Variants in STIP1 observed in about 807,000 individuals in gnomAD.
STIP1 encodes the protein stress induced phosphoprotein 1, also known as stress-induced-phosphoprotein 1.
A neutral mutation model predicts 77.4 loss-of-function variants in STIP1; 16 were observed. The observed-to-expected ratio is 0.21, with a 90% CI of 0.14 to 0.31. STIP1 has a LOEUF of 0.31. Among genes scored for constraint, STIP1 ranks in the 10% least tolerant of loss-of-function variants. The pLI is 1.00. For synonymous variants in STIP1, 258 were observed against 246.6 expected (o/e 1.05, Z -0.44); for missense variants, 524 against 684.8 (o/e 0.77, Z 2.62).
chr11:64,200,307 T>C lies in STIP1; in HGVS notation c.1245+14T>C. 6.3e-7 allele frequency: 1 copy of C among 1,599,030 alleles called. No individual in the cohort carries two copies. The highest frequency in any genetic ancestry group is 8.5e-7 in the Non-Finnish European group (1 of 1,174,420). ...CTGGCACTCAAGGTGACGAGACCTG[T>C]GGGGGCGGCCATTACTGAAAGCCTG... is the stretch of plus-strand genomic sequence containing the variant. On this transcript the variant is annotated intron_variant, in intron 10 of 13. Transcript: ENST00000305218.
upstream of STIP1, chr11:64,186,015 AGGCAG>A: frequency 6.5e-7 from 1 of 1,544,008 alleles, no homozygotes. Flanking sequence ...GGTGCGGGGG[AGGCAG>A]GGTTGAGGGA....
At chr11:64,194,765 T>C in intron 4 of STIP1, 145 bp downstream of exon 4, 1 of 1,034,278 alleles carries the variant, frequency 9.7e-7, no homozygotes, top group Non-Finnish European at 1.4e-6. Flanking sequence ...TGGTGGTCGT[T>C]TATTTGTAAT....
In STIP1 at chr11:64,197,517, A is replaced by G; in HGVS notation, c.824A>G (p.Tyr275Cys). The change falls in exon 7 of 14, where the codon TAC (tyrosine) becomes TGC (cysteine). Residue 275 changes from tyrosine (Y) to cysteine (C), a missense_variant. Transcript: ENST00000305218. ...GCGGTATACTTTGAAAAGGGCGACT[A>G]CAATAAGTGCCGGGAGCTTTGTGAG... ...QAAVYFEKGD[Y>C]NKCRELCEKA... is the part of the protein sequence containing the mutation. 6.2e-7 allele frequency: 1 copy of G among 1,614,206 alleles called. No individual in the cohort carries two copies. The highest frequency in any genetic ancestry group is 1.1e-5 in the South Asian group (1 of 91,082).
At chr11:64,185,512 C>G (rs1945999285), upstream of STIP1, 3 of 378,118 alleles carry the variant, frequency 7.9e-6, no homozygotes, top group South Asian at 6.5e-5. Flanking sequence ...AGCTGGCGCT[C>G]GAGGGACAGG....
At chr11:64,186,497 G>C (rs932590278) in intron 1 of STIP1, 1 of 394,952 alleles carries the variant, frequency 2.5e-6, no homozygotes, top group African/African-American at 2.1e-5. Flanking sequence ...TGGGCGAGGA[G>C]GGCCCGGCGG....
chr11:64,190,910 G>A (rs970975349), intron 1 of STIP1, among the ~76,000 whole-genome samples: 3 of 152,148 alleles, frequency 2.0e-5, no homozygotes, highest in Non-Finnish European at 4.4e-5. Flanking sequence ...TGAGTTGGCC[G>A]GGCGCAGTGG....
chr11:64,194,118 C>G (rs537431293), intron 2 of STIP1, 71 bp from the exon 3 acceptor site: 3 of 1,551,308 alleles, frequency 1.9e-6, no homozygotes, highest in South Asian at 1.2e-5. Flanking sequence ...TAGAATTGTT[C>G]TTTTTTGAGT....
intron 1 of STIP1, among the ~76,000 whole-genome samples, chr11:64,187,637 C>G (rs901526586): frequency 2.6e-5 from 4 of 152,118 alleles, no homozygotes; most frequent in Non-Finnish European, 4.4e-5. Context: ...TCAGTTGTAT[C>G]TAGGGTTAAA....
At position 64,193,161 on chromosome 11, in the gene STIP1, T is replaced by A; in HGVS notation, c.93T>A (p.Ile31=). ...DDALQCYSEA[I]KLDPHNHVLY... is the part of the protein sequence containing the mutation. ...CCTTACAGTGCTACTCCGAAGCTAT[T>A]AAGCTGGATCCCCACAACCACGTGC... The change falls in exon 2 of 14, where the codon ATT becomes ATA. Residue 31 remains isoleucine, a synonymous_variant. Coordinates refer to ENST00000305218, the MANE Select transcript of STIP1 (RefSeq NM_006819.3). The A allele has an allele frequency of 6.2e-7, 1 of 1,614,188 alleles. No individual in the cohort carries two copies. The highest frequency in any genetic ancestry group is 8.5e-7 in the Non-Finnish European group (1 of 1,180,032).
chr11:64,189,476 A>G (rs947747926), intron 1 of STIP1, among the ~76,000 whole-genome samples: 6 of 152,030 alleles, frequency 3.9e-5, no homozygotes, highest in Admixed American at 2.6e-4. Flanking sequence ...GCAGTGAGCC[A>G]AGATTGCGCC....
chr11:64,186,385 G>T (rs1170386217), intron 1 of STIP1, 115 bp downstream of exon 1: 2 of 1,159,112 alleles, frequency 1.7e-6, no homozygotes, highest in Non-Finnish European at 2.2e-6. Flanking sequence ...CTCGGCGCTG[G>T]GGCCGGACGG....
At position 64,203,951 on chromosome 11, in the gene STIP1, C is replaced by T; in HGVS notation, c.1560-103C>T. 2.9e-6 allele frequency: 4 copies of T among 1,402,550 alleles called. No individual in the cohort carries two copies. The Admixed American group carries it at 7.2e-5, about 25-fold the overall frequency. 86.9% of individuals were successfully genotyped at this position (1,402,550 alleles called of 1,614,324 possible). A position where few individuals can be genotyped will look rare whatever the true frequency, so the allele number is the denominator to read the frequency against. On this transcript the variant is annotated intron_variant, in intron 13 of 13. Transcript: ENST00000305218. Reference sequence around the variant, plus strand: ...CCCCGGGCCTCGCCAGGACCCCTCCCTGCCGGGGCCTTCTGTAGAGGGGGT... The same window carrying T: ...CCCCGGGCCTCGCCAGGACCCCTCCTTGCCGGGGCCTTCTGTAGAGGGGGT...
At chr11:64,194,707 C>A in intron 4 of STIP1, 87 bp downstream of exon 4, 1 of 1,509,812 alleles carries the variant, frequency 6.6e-7, no homozygotes, top group South Asian at 1.3e-5. Flanking sequence ...GTTCCCTGGT[C>A]TAAACTGCAG....
At chr11:64,188,505 ACT>A (rs1422311136) in intron 1 of STIP1, among the ~76,000 whole-genome samples, 4 of 151,884 alleles carry the variant, frequency 2.6e-5, no homozygotes, top group Non-Finnish European at 5.9e-5. Context: ...CTCCTGCCTC[ACT>A]CTCCTGAGTA....
Position 64,203,211 on chromosome 11 carries a change from C to T in STIP1, c.1369C>T (p.Leu457=). ...AMDVYQKALD[L]DSSCKEAADG... ...GGATGTGTACCAGAAGGCGCTAGAC[C>T]TGGACTCCAGCTGTAAGGTGGGGCT... The change falls in exon 12 of 14, where the codon CTG becomes TTG. Residue 457 remains leucine (L), a synonymous_variant. Transcript: ENST00000305218. 2.5e-6 allele frequency: 4 copies of T among 1,614,050 alleles called. No homozygotes were observed. Among genetic ancestry groups the T allele is most frequent in the Non-Finnish European group, 3.4e-6 (4 of 1,180,044 alleles).
In STIP1 at chr11:64,186,238, C is replaced by A; in HGVS notation, c.-24C>A. On this transcript the variant is annotated 5_prime_UTR_variant, in exon 1 of 14. Transcript: ENST00000305218. ...CGCGGAGCGGACGGATTCGATTCAA[C>A]GGGGTTCCGGACCGCGCTGCGCTAT... The A allele has an allele frequency of 7.0e-7, 1 of 1,425,072 alleles. No homozygotes were observed. Among genetic ancestry groups the A allele is most frequent in the Non-Finnish European group, 9.4e-7 (1 of 1,068,434 alleles). The allele number at this position is 1,425,072 out of a possible 1,614,324, so 88.3% of individuals were successfully genotyped here.
chr11:64,191,635 TC>T (rs1000011255), intron 1 of STIP1, among the ~76,000 whole-genome samples: 4 of 151,986 alleles, frequency 2.6e-5, no homozygotes, highest in African/African-American at 9.7e-5. Context: ...ACAATGAGCT[TC>T]TCAAGGGGTT....
At chr11:64,186,079 C>T (rs1591000222), upstream of STIP1, 4 of 1,548,612 alleles carry the variant, frequency 2.6e-6, no homozygotes, top group South Asian at 4.8e-5. Context: ...ATGGGCTGGA[C>T]CTCAAGCCAA....
At chr11:64,195,473 G>GT (rs1246142111) in intron 4 of STIP1, among the ~76,000 whole-genome samples, 172 bp from the exon 5 acceptor site, 1 of 152,142 alleles carries the variant, frequency 6.6e-6, no homozygotes, top group Admixed American at 6.6e-5. Context: ...TGTTTTGACG[G>GT]TTTGAGTATT....
Sources: allele counts gnomAD v4.1 joint callset (sites outside exome capture counted in the v4.1 genomes callset), GRCh38; gene constraint gnomAD v4.1.1; transcripts MANE v1.5; gene names NCBI Gene and HGNC (gene_info 2026-07-23, HGNC 2026-07-21).